Variants in SLC12A2 observed in about 807,000 individuals in gnomAD.
SLC12A2 encodes the protein solute carrier family 12 member 2, also known as Na-K-2Cl cotransporter 1.
In SLC12A2, 67 loss-of-function variants were observed where a neutral mutation model predicts 136.3. The ratio of observed to expected loss-of-function variants is 0.49; its 90% CI spans 0.40 to 0.60. SLC12A2 has a LOEUF of 0.60. Ranked by LOEUF, SLC12A2 falls within the 20% of genes least tolerant of loss-of-function variation. The pLI is 0.00. For synonymous variants in SLC12A2, 619 were observed against 562.9 expected (o/e 1.10, Z -1.41); for missense variants, 1,322 against 1,534.7 (o/e 0.86, Z 2.32).
chr5:128,152,835 A>G (rs957361626), intron 15 of SLC12A2, 30 bp downstream of exon 15: 2 of 1,320,344 alleles, frequency 1.5e-6, no homozygotes, highest in Non-Finnish European at 2.2e-6. Context: ...ACATGGAAGC[A>G]TTTTCTCTTT....
At chr5:128,131,262 T>C (rs1430195242) in intron 5 of SLC12A2, 56 bp downstream of exon 5, 2 of 1,545,302 alleles carry the variant, frequency 1.3e-6, no homozygotes, top group Non-Finnish European at 1.8e-6. Context: ...AGGGATTATA[T>C]GCCGATCACC....
Position 128,158,084 on chromosome 5 carries a change from A to G in SLC12A2, c.2395A>G (p.Asn799Asp). ...GTGTCTTGTTATGACAGGTGCTCCA[A>G]ACTCACGTCCAGCTTTACTTCATCT... ...PQCLVMTGAP[N>D]SRPALLHLVH... The change falls in exon 16 of 27, where the codon AAC becomes GAC. Residue 799 changes from asparagine to aspartate, a missense_variant. Physicochemically the swap from Asn to Asp is conservative, Grantham distance 23. This residue lies in a region of SLC12A2 where 294 missense variants were observed against 436.6 expected (regional missense o/e 0.67). Transcript: ENST00000262461. The G allele has an allele frequency of 6.2e-7, 1 of 1,613,742 alleles. No individual in the cohort carries two copies. The highest frequency in any genetic ancestry group is 8.5e-7 in the Non-Finnish European group (1 of 1,179,810).
chr5:128,151,468 T>C (rs1422545096), intron 14 of SLC12A2, 72 bp downstream of exon 14: 2 of 1,360,300 alleles, frequency 1.5e-6, no homozygotes, highest in Non-Finnish European at 1.0e-6. Context: ...AGAAGTTCTT[T>C]GTTATTTTTC....
At chr5:128,143,217 A>G (rs939769919) in intron 10 of SLC12A2, among the ~76,000 whole-genome samples, 1 of 152,138 alleles carries the variant, frequency 6.6e-6, no homozygotes, top group Non-Finnish European at 1.5e-5. Context: ...TTAAACCCAT[A>G]CCAATTAAGT....
At chr5:128,149,001 T>C (rs1311851487) in intron 12 of SLC12A2, 124 bp downstream of exon 12, 1 of 833,210 alleles carries the variant, frequency 1.2e-6, no homozygotes, top group African/African-American at 1.7e-5. Context: ...AAAGAAAGTT[T>C]ATAAAGTACT....
intron 10 of SLC12A2, among the ~76,000 whole-genome samples, 174 bp from the exon 11 acceptor site, chr5:128,147,448 C>CT (rs1197578383): frequency 6.6e-6 from 1 of 151,538 alleles, no homozygotes; most frequent in Non-Finnish European, 1.5e-5. Flanking sequence ...AAGGTAAGGG[C>CT]TAGTGGTAAA....
At chr5:128,134,594 A>G (rs559119950) in intron 6 of SLC12A2, among the ~76,000 whole-genome samples, 1 of 152,154 alleles carries the variant, frequency 6.6e-6, no homozygotes, top group Admixed American at 6.5e-5. Flanking sequence ...TTGGCTTTGT[A>G]ATTTATTTAA....
At position 128,135,784 on chromosome 5, in the gene SLC12A2, C is replaced by G; in HGVS notation, c.1384C>G (p.Pro462Ala). 6.2e-7 allele frequency: 1 copy of G among 1,607,072 alleles called. No individual in the cohort carries two copies. The highest frequency in any genetic ancestry group is 1.1e-5 in the South Asian group (1 of 90,360). ...ATTTATCCCACTGGAGAGCAAGAAG[C>G]CAAAAGGGTTTTTTGGTTATAAATG... ...GTFIPLESKK[P>A]KGFFGYKSEI... Residue 462 changes from proline (P) to alanine (A), a missense_variant, in exon 7 of 27, where the codon CCA (proline) becomes GCA (alanine). Physicochemically the swap from Pro to Ala is conservative, Grantham distance 27. Coordinates refer to ENST00000262461, the MANE Select transcript of SLC12A2 (RefSeq NM_001046.3).
At position 128,154,068 on chromosome 5, in the gene SLC12A2, CA is replaced by C. The variant is rs3083293; in HGVS notation, c.2363+1275del. Among the ~76,000 whole-genome samples, 846 of 137,828 alleles carry C rather than the reference CA, an allele frequency of 6.1e-3. 1 individual carries two copies. Among genetic ancestry groups the C allele is most frequent in the Middle Eastern group, 0.027 (7 of 264 alleles). The allele number at this position is 137,828 out of a possible 152,430, so 90.4% of individuals were successfully genotyped here. A position where few individuals can be genotyped will look rare whatever the true frequency, so the allele number is the denominator to read the frequency against. On this transcript the variant is annotated intron_variant, in intron 15 of 26. Transcript: ENST00000262461. ...ATTTGCCGTCAATTAAAAAAAAAAA[CA>C]AAAAAAAAAAACCTCTTGCTTTGGC...
At chr5:128,161,842 T>G in intron 17 of SLC12A2, 42 bp downstream of exon 17, 1 of 1,306,594 alleles carries the variant, frequency 7.7e-7, no homozygotes, top group Non-Finnish European at 9.9e-7. Flanking sequence ...ATTTTAGATT[T>G]GTATAAGCTT....
In SLC12A2 at chr5:128,141,988, A is replaced by T. The variant is rs776081861; in HGVS notation, c.1773+7A>T. ...CCTAATGAACAACTTCCAGGTGAGC[A>T]TTGACTTTGTAATATACAGACATTC... On this transcript the variant is annotated splice_region_variant and intron_variant, in intron 10 of 26. Transcript: ENST00000262461. 6.2e-7 allele frequency: 1 copy of T among 1,612,584 alleles called. No homozygotes were observed. Among genetic ancestry groups the T allele is most frequent in the Non-Finnish European group, 8.5e-7 (1 of 1,178,924 alleles).
At chr5:128,138,473 A>C in intron 7 of SLC12A2, 124 bp from the exon 8 acceptor site, 1 of 836,252 alleles carries the variant, frequency 1.2e-6, no homozygotes. Context: ...GAAATATGCA[A>C]AAATTTACTC....
rs753792679 is a variant in SLC12A2 at position 128,180,888 on chromosome 5, A to G, written c.3106A>G (p.Thr1036Ala). The change falls in exon 23 of 27, where the codon ACC becomes GCC. Residue 1036 changes from threonine to alanine, a missense_variant. Coordinates refer to ENST00000262461, the MANE Select transcript of SLC12A2 (RefSeq NM_001046.3). ...VWWLFDDGGL[T>A]LLIPYLLTTK... The stretch of plus-strand genomic sequence containing the variant: ...ATTACATTTTTATAATTCAGGTTTG[A>G]CCTTATTGATACCTTACCTTCTGAC... 1.3e-6 allele frequency: 2 copies of G among 1,563,106 alleles called. No homozygotes were observed. Among genetic ancestry groups the G allele is most frequent in the East Asian group, 4.5e-5 (2 of 44,510 alleles).
intron 17 of SLC12A2, among the ~76,000 whole-genome samples, chr5:128,163,250 C>T (rs558124161): frequency 2.4e-4 from 36 of 152,208 alleles, no homozygotes; most frequent in African/African-American, 8.2e-4. Flanking sequence ...AACTTCAGGC[C>T]GGGCACAGTG....
At chr5:128,169,743 T>C (rs1193112021) in intron 18 of SLC12A2, 2 of 152,164 alleles carry the variant, frequency 1.3e-5, no homozygotes, top group South Asian at 2.1e-4. Flanking sequence ...TGAGATGACG[T>C]AATTATCCTA....
intron 26 of SLC12A2, 79 bp from the exon 27 acceptor site, chr5:128,186,417 T>C (rs748956933): frequency 1.5e-6 from 2 of 1,373,828 alleles, no homozygotes; most frequent in South Asian, 1.4e-5. Context: ...GTAATCTACT[T>C]TATAATTTTT....
Position 128,140,718 on chromosome 5 carries a change from A to G in SLC12A2, c.1622-1112A>G, listed in dbSNP as rs1762337205. Among the ~76,000 whole-genome samples the G allele has an allele frequency of 2.0e-5, 3 of 151,874 alleles. 1 individual carries two copies. The highest frequency in any genetic ancestry group is 4.9e-5 in the African/African-American group (2 of 41,202). On this transcript the variant is annotated intron_variant, in intron 9 of 26. Transcript: ENST00000262461. ...GAACCTTCCCCCCCCAAAAAATTTC[A>G]GGCATAGACTATCAGAATACAAAGC...
At chr5:128,167,477 T>C (rs1339016496) in intron 17 of SLC12A2, among the ~76,000 whole-genome samples, 1 of 152,150 alleles carries the variant, frequency 6.6e-6, no homozygotes, top group Non-Finnish European at 1.5e-5. Flanking sequence ...TTTCTCTTAG[T>C]AAAAATATGA....
intron 1 of SLC12A2, among the ~76,000 whole-genome samples, chr5:128,102,859 C>T (rs987651653): frequency 3.3e-5 from 5 of 151,654 alleles, no homozygotes; most frequent in Admixed American, 2.0e-4. Context: ...TGAGCTCAAG[C>T]GATCCACTGG....
Sources: allele counts gnomAD v4.1 joint callset (sites outside exome capture counted in the v4.1 genomes callset), GRCh38; gene constraint gnomAD v4.1.1; regional missense constraint gnomAD v4.1.1; transcripts MANE v1.5; gene names NCBI Gene and HGNC (gene_info 2026-07-23, HGNC 2026-07-21).